The following ALK variants were observed in gnomAD, a reference collection of about 807,000 sequenced individuals.
ALK encodes the protein ALK tyrosine kinase receptor.
ALK carries 74 observed loss-of-function variants against 163.1 expected under a neutral mutation model. The ratio of observed to expected loss-of-function variants is 0.45; its 90% CI spans 0.38 to 0.55. The LOEUF (loss-of-function observed/expected upper bound fraction) is 0.55, where lower values mean the gene tolerates loss of function less well. Among genes scored for constraint, ALK ranks in the 20% least tolerant of loss-of-function variants. The probability of loss-of-function intolerance (pLI) is 0.00; values close to 1 mark genes in which losing one functional copy is unlikely to be tolerated. For synonymous variants in ALK, 960 were observed against 843.2 expected (o/e 1.14, Z -2.40); for missense variants, 2,063 against 2,105.3 (o/e 0.98, Z 0.39).
chr2:29,561,409 G>T (rs4544385), intron 3 of ALK, among the ~76,000 whole-genome samples: 142,119 of 152,216 alleles, frequency 0.93, 66,729 homozygotes, highest in Non-Finnish European at 0.98. Context: ...TACAACAGTA[G>T]CCCGGTGATT....
intron 5 of ALK, among the ~76,000 whole-genome samples, chr2:29,378,173 C>T (rs546556918): frequency 1.3e-5 from 2 of 152,280 alleles, no homozygotes; most frequent in South Asian, 4.1e-4. Flanking sequence ...TGGTCCATTT[C>T]AACTGCCTCT....
intron 4 of ALK, among the ~76,000 whole-genome samples, chr2:29,434,620 A>G (rs1670355241): frequency 6.6e-6 from 1 of 152,210 alleles, no homozygotes; most frequent in Admixed American, 6.5e-5. Context: ...AGTAATAACA[A>G]TGGTTTGGTC....
chr2:29,870,355 G>T (rs180908486), intron 1 of ALK, among the ~76,000 whole-genome samples: 33 of 152,266 alleles, frequency 2.2e-4, no homozygotes, highest in African/African-American at 7.2e-4. Flanking sequence ...ATGGCTGGCA[G>T]GAGACAAAGT....
intron 3 of ALK, among the ~76,000 whole-genome samples, chr2:29,572,359 G>C (rs1436711510): frequency 6.6e-6 from 1 of 152,190 alleles, no homozygotes; most frequent in Non-Finnish European, 1.5e-5. Flanking sequence ...AAACGTTTCA[G>C]ACTTCAGGAT....
intron 1 of ALK, among the ~76,000 whole-genome samples, chr2:29,730,760 T>C (rs1249858863): frequency 1.3e-5 from 2 of 152,340 alleles, no homozygotes; most frequent in Non-Finnish European, 2.9e-5. Context: ...CAAGGGCTTC[T>C]GCCACTCCTG....
intron 1 of ALK, among the ~76,000 whole-genome samples, chr2:29,883,673 A>G (rs4535004): frequency 0.43 from 65,725 of 152,010 alleles, 15,122 homozygotes; most frequent in Non-Finnish European, 0.51. Context: ...AGACCTGCTC[A>G]CTCCTTGAAG....
chr2:29,215,469 C>T (rs185492134), intron 23 of ALK, among the ~76,000 whole-genome samples: 1 of 152,130 alleles, frequency 6.6e-6, no homozygotes, highest in Non-Finnish European at 1.5e-5. Context: ...AGAGCACATA[C>T]ATGATCTGCT....
intron 3 of ALK, among the ~76,000 whole-genome samples, chr2:29,568,128 A>G (rs1181951653): frequency 6.6e-6 from 1 of 152,240 alleles, no homozygotes; most frequent in East Asian, 1.9e-4. Context: ...AGAGACATCC[A>G]TATGTCACTG....
chr2:29,789,874 G>C (rs1357767129), intron 1 of ALK, among the ~76,000 whole-genome samples: 1 of 152,210 alleles, frequency 6.6e-6, no homozygotes, highest in African/African-American at 2.4e-5. Flanking sequence ...TTGGAGTTTA[G>C]TAGCATGGCC....
chr2:29,505,860 CA>C (rs1228759992), intron 4 of ALK, among the ~76,000 whole-genome samples: 1 of 150,246 alleles, frequency 6.7e-6, no homozygotes, highest in African/African-American at 2.4e-5. Flanking sequence ...AACATCCATT[CA>C]TGGGGTGAAT....
chr2:29,785,148 G>T (rs1171986642), intron 1 of ALK, among the ~76,000 whole-genome samples: 1 of 152,136 alleles, frequency 6.6e-6, no homozygotes, highest in Non-Finnish European at 1.5e-5. Flanking sequence ...ACAGGACTCT[G>T]CCCTCTCTCC....
At chr2:29,648,966 T>C (rs1263790745) in intron 3 of ALK, among the ~76,000 whole-genome samples, 1 of 152,138 alleles carries the variant, frequency 6.6e-6, no homozygotes, top group Non-Finnish European at 1.5e-5. Flanking sequence ...TCCATTCACA[T>C]TTTGAACACA....
intron 1 of ALK, among the ~76,000 whole-genome samples, chr2:29,723,029 C>T (rs1170867852): frequency 6.6e-6 from 1 of 152,156 alleles, no homozygotes; most frequent in African/African-American, 2.4e-5. Flanking sequence ...TCCATTATTG[C>T]TATGAGCTCA....
rs902275025 is a variant in ALK at position 29,296,992 on chromosome 2, G to C, written c.1713C>G (p.Asn571Lys). The C allele has an allele frequency of 3.7e-6, 6 of 1,614,078 alleles. No homozygotes were observed. Among genetic ancestry groups the C allele is most frequent in the Non-Finnish European group, 5.1e-6 (6 of 1,180,042 alleles). ...TCCTGCCTTGCTCCTTCCCGGTTTT[G>C]TTCTCCACTAGCACCAAGGACACGT... ...RGNVSLVLVE[N>K]KTGKEQGRMV... Residue 571 changes from asparagine to lysine, a missense_variant, in exon 9 of 29, where the codon AAC becomes AAG. Physicochemically the swap from Asn to Lys is moderately conservative, Grantham distance 94. Coordinates refer to ENST00000389048, the MANE Select transcript of ALK (RefSeq NM_004304.5).
chr2:29,205,002 T>A (rs1272519677), intron 26 of ALK, among the ~76,000 whole-genome samples: 1 of 152,188 alleles, frequency 6.6e-6, no homozygotes, highest in African/African-American at 2.4e-5. Flanking sequence ...CTGTACTCTT[T>A]GGAAGAAAGT....
chr2:29,547,313 G>A (rs113972303), intron 3 of ALK, among the ~76,000 whole-genome samples: 5 of 152,048 alleles, frequency 3.3e-5, no homozygotes, highest in Non-Finnish European at 5.9e-5. Context: ...TCCATAATAC[G>A]GGGCCAGGCG....
At chr2:29,231,335 C>CAAAAACA (rs1367222584) in intron 15 of ALK, among the ~76,000 whole-genome samples, 1 of 152,016 alleles carries the variant, frequency 6.6e-6, no homozygotes, top group Admixed American at 6.6e-5. Flanking sequence ...GACTCCGTCT[C>CAAAAACA]AAAAACAAAA....
At chr2:29,748,399 T>A (rs1231179778) in intron 1 of ALK, among the ~76,000 whole-genome samples, 1 of 152,178 alleles carries the variant, frequency 6.6e-6, no homozygotes, top group East Asian at 1.9e-4. Context: ...GCAATGCTTC[T>A]CAAATGTTAA....
chr2:29,311,780 T>C (rs1485979162), intron 8 of ALK, among the ~76,000 whole-genome samples: 1 of 152,072 alleles, frequency 6.6e-6, no homozygotes. Context: ...AAGGTGACAA[T>C]ATCATCTTCT....
Sources: allele counts gnomAD v4.1 joint callset (sites outside exome capture counted in the v4.1 genomes callset), GRCh38; gene constraint gnomAD v4.1.1; transcripts MANE v1.5; gene names NCBI Gene and HGNC (gene_info 2026-07-23, HGNC 2026-07-21).